SACS: variants seen among roughly 807,000 people sequenced by gnomAD.
The protein encoded by SACS is sacsin.
A neutral mutation model predicts 348.0 loss-of-function variants in SACS; 197 were observed. The observed-to-expected ratio is 0.57, with a 90% CI of 0.50 to 0.64. SACS has a LOEUF of 0.64. SACS is among the 30% of genes least tolerant of loss of function. The pLI is 0.00. For missense variants in SACS, 4,999 were observed against 5,360.8 expected, an observed-to-expected ratio of 0.93 and a Z score of 2.11; for synonymous variants, 1,985 against 1,910.6, an observed-to-expected ratio of 1.04 and a Z score of -1.02.
intron 1 of SACS, among the ~76,000 whole-genome samples, chr13:23,420,916 G>A (rs910308994): frequency 6.6e-6 from 1 of 151,898 alleles, no homozygotes; most frequent in African/African-American, 2.4e-5. Context: ...TATTTACCTG[G>A]GGCCTCAGTG....
chr13:23,341,958 T>C (rs1869284396), intron 9 of SACS, among the ~76,000 whole-genome samples: 2 of 151,882 alleles, frequency 1.3e-5, no homozygotes, highest in Admixed American at 6.6e-5. Context: ...AGTTAATTTT[T>C]TTGTGTTTTT....
In SACS at chr13:23,371,396, T is replaced by C. The variant is rs2766104; in HGVS notation, c.172-231A>G. ...CGTTAATTACAAATAGATAAAAATA[T>C]ATATATTTCTCCATTAACATAATTT... On this transcript the variant is annotated intron_variant, in intron 3 of 9. Coordinates refer to ENST00000382292, the MANE Select transcript of SACS (RefSeq NM_014363.6). 0.88 allele frequency among the ~76,000 whole-genome samples: 133,830 copies of C among 152,272 alleles called. 58,887 individuals are homozygous for C. Among genetic ancestry groups the C allele is most frequent in the East Asian group, 1 (5,182 of 5,190 alleles).
Position 23,334,538 on chromosome 13 carries a change from T to A in SACS, c.9338A>T (p.His3113Leu), listed in dbSNP as rs768906950. 1.2e-6 allele frequency: 2 copies of A among 1,613,524 alleles called. No homozygotes were observed. The highest frequency in any genetic ancestry group is 1.7e-6 in the Non-Finnish European group (2 of 1,179,712). The change falls in exon 10 of 10, where the codon CAT becomes CTT. Residue 3113 changes from histidine (H) to leucine (L), a missense_variant. Physicochemically the swap from His to Leu is moderately conservative, Grantham distance 99. Coordinates refer to ENST00000382292, the MANE Select transcript of SACS (RefSeq NM_014363.6). Reference sequence around the variant, plus strand: ...CAGACGACAAGGCAGCTTCCCAATATGGCAATTAGTGTCAGGAGAGGAAAA... The same window carrying A: ...CAGACGACAAGGCAGCTTCCCAATAAGGCAATTAGTGTCAGGAGAGGAAAA... ...MTFSSPDTNC[H>L]IGKLPCRLQQ...
chr13:23,354,671 C>T lies in SACS; in HGVS notation c.1941G>A (p.Lys647=), dbSNP rs201021919. 3 of 1,614,198 alleles carry T rather than the reference C, an allele frequency of 1.9e-6. No individual in the cohort carries two copies. Among genetic ancestry groups the T allele is most frequent in the Non-Finnish European group, 2.5e-6 (3 of 1,180,044 alleles). ...KCAHLGCAEE[K]LHLLEFVLSD... is the part of the protein sequence containing the mutation. Reference sequence around the variant, plus strand: ...AAAGCACAAATTCTAGAAGGTGAAGCTTTTCTTCAGCACAGCCCAGGTGTG... The same window carrying T: ...AAAGCACAAATTCTAGAAGGTGAAGTTTTTCTTCAGCACAGCCCAGGTGTG... Residue 647 remains lysine (K), a synonymous_variant, in exon 8 of 10, where the codon AAG becomes AAA. Coordinates refer to ENST00000382292, the MANE Select transcript of SACS (RefSeq NM_014363.6).
rs185643322 is a variant in SACS, at chr13:23,355,460, A to C, written c.1152T>G (p.Thr384=). The part of the protein sequence containing the change: ...HVNIVLEEES[T]KDAQKTSWLV... ...ACCAAGATGTTTTCTGTGCATCCTT[A>C]GTACTCTCCTCTTCTAAAACAATAT... is the stretch of plus-strand genomic sequence containing the variant. The change falls in exon 8 of 10, where the codon ACT becomes ACG. Residue 384 remains threonine (T), a synonymous_variant. Transcript: ENST00000382292. The C allele has an allele frequency of 5.3e-5, 85 of 1,614,108 alleles. No homozygotes were observed. In the East Asian group the frequency reaches 1.8e-3, roughly 34 times the overall value.
chr13:23,331,569 C>G lies in SACS; in HGVS notation c.12307G>C (p.Ala4103Pro), dbSNP rs1883478126. 1 of 1,613,816 alleles carries G rather than the reference C, an allele frequency of 6.2e-7. No homozygotes were observed. Among genetic ancestry groups the G allele is most frequent in the Non-Finnish European group, 8.5e-7 (1 of 1,179,848 alleles). The change falls in exon 10 of 10, where the codon GCA becomes CCA. Residue 4103 changes from alanine to proline, a missense_variant. Coordinates refer to ENST00000382292, the MANE Select transcript of SACS (RefSeq NM_014363.6). Reference sequence around the variant, plus strand: ...TCAGTTGCTGATTTAAGAGTCATTGCCAATGCTAACAGGAAATTAATGTCT... The same window carrying G: ...TCAGTTGCTGATTTAAGAGTCATTGGCAATGCTAACAGGAAATTAATGTCT... ...SKDINFLLAL[A>P]MTLKSATDNL...
chr13:23,366,757 T>C (rs547172592), intron 5 of SACS, among the ~76,000 whole-genome samples: 45 of 152,324 alleles, frequency 3.0e-4, no homozygotes, highest in African/African-American at 1.0e-3. Context: ...TTCCCCTAAA[T>C]TGCAATCCTG....
Position 23,335,684 on chromosome 13 carries a change from C to T in SACS, c.8192G>A (p.Arg2731His), listed in dbSNP as rs201127191. The change falls in exon 10 of 10, where the codon CGC becomes CAC. Residue 2731 changes from arginine to histidine, a missense_variant. This residue lies in a region of SACS where 3,156 missense variants were observed against 3,380.1 expected (regional missense o/e 0.93). Coordinates refer to ENST00000382292, the MANE Select transcript of SACS (RefSeq NM_014363.6). This position sits in a 1 kb window ranked among gnomAD's most constrained non-coding sequence, Gnocchi z 4.7. ...RMVQNLLDKL[R>H]SDGAELLMFL... The stretch of plus-strand genomic sequence containing the variant: ...CATTAGAAGTTCTGCCCCATCTGAG[C>T]GCAGTTTGTCCAAAAGATTCTGGAC... 4.8e-5 allele frequency: 78 copies of T among 1,613,846 alleles called. No individual in the cohort carries two copies. Among genetic ancestry groups the T allele is most frequent in the African/African-American group, 8.0e-5 (6 of 74,896 alleles).
At chr13:23,419,457 T>A (rs1490962305) in intron 1 of SACS, among the ~76,000 whole-genome samples, 3 of 152,156 alleles carry the variant, frequency 2.0e-5, no homozygotes, top group African/African-American at 7.2e-5. Flanking sequence ...GTTCAGAGTC[T>A]CAACAGGGCT....
intron 2 of SACS, chr13:23,375,502 G>C: frequency 8.8e-7 from 1 of 1,133,476 alleles, no homozygotes; most frequent in Non-Finnish European, 1.1e-6. Flanking sequence ...AGCCCGCGCC[G>C]AGGAGGAAAC....
rs759808501 is a variant in SACS at position 23,355,206 on chromosome 13, C to T, written c.1406G>A (p.Gly469Asp). 1.9e-5 allele frequency: 31 copies of T among 1,614,056 alleles called. No homozygotes were observed. In the South Asian group the frequency reaches 3.3e-4, roughly 17 times the overall value. ...GLPVHISGFF[G>D]LTDNRRSIKW... is the part of the protein sequence containing the mutation. Reference sequence around the variant, plus strand: ...TATGCTCCTGCGGTTATCAGTAAGGCCAAAGAACCCACTGATGTGAACTGG... The same window carrying T: ...TATGCTCCTGCGGTTATCAGTAAGGTCAAAGAACCCACTGATGTGAACTGG... Residue 469 changes from glycine to aspartate, a missense_variant, in exon 8 of 10, where the codon GGC becomes GAC. Physicochemically the swap from Gly to Asp is moderately conservative, Grantham distance 94. This residue lies in a region of SACS where 3,156 missense variants were observed against 3,380.1 expected (regional missense o/e 0.93). Coordinates refer to ENST00000382292, the MANE Select transcript of SACS (RefSeq NM_014363.6).
intron 1 of SACS, among the ~76,000 whole-genome samples, chr13:23,420,003 C>T (rs1245047818): frequency 6.6e-6 from 1 of 152,048 alleles, no homozygotes; most frequent in African/African-American, 2.4e-5. Flanking sequence ...CCTGATGTTC[C>T]CCAGGGACCT....
intron 1 of SACS, among the ~76,000 whole-genome samples, chr13:23,419,507 AT>A (rs150521629): frequency 0.035 from 5,352 of 152,078 alleles, 221 homozygotes; most frequent in East Asian, 0.22. Context: ...GTGGTTCCTA[AT>A]GTTTCTTGGG....
chr13:23,397,569 A>G (rs1872757757), intron 2 of SACS, among the ~76,000 whole-genome samples: 1 of 152,212 alleles, frequency 6.6e-6, no homozygotes, highest in African/African-American at 2.4e-5. Context: ...CCACCTAGGA[A>G]ACAAAGATTT....
At chr13:23,398,186 C>T (rs1294581515) in intron 2 of SACS, among the ~76,000 whole-genome samples, 1 of 151,236 alleles carries the variant, frequency 6.6e-6, no homozygotes, top group African/African-American at 2.4e-5. Flanking sequence ...AGCGAAACTC[C>T]ATCTCAAAAA....
At position 23,331,257 on chromosome 13, in the gene SACS, CAAT is replaced by C; in HGVS notation, c.12616_12618del (p.Ile4206del). On this transcript the variant is annotated inframe_deletion, in exon 10 of 10. Transcript: ENST00000382292. ...GCATCTTCTCTTTCAACTTCTTGTA[CAAT>C]AATTGCATATGTGTATGTTGGCTGG... is the stretch of plus-strand genomic sequence containing the variant. 6.2e-7 allele frequency: 1 copy of C among 1,613,946 alleles called. No homozygotes were observed. Among genetic ancestry groups the C allele is most frequent in the Non-Finnish European group, 8.5e-7 (1 of 1,179,894 alleles).
chr13:23,362,492 A>G (rs1870799210), intron 6 of SACS, among the ~76,000 whole-genome samples: 1 of 152,212 alleles, frequency 6.6e-6, no homozygotes, highest in Non-Finnish European at 1.5e-5. Flanking sequence ...GATATTCTCA[A>G]ATACACAAGA....
Position 23,333,446 on chromosome 13 carries a change from T to C in SACS, c.10430A>G (p.Tyr3477Cys). Reference sequence around the variant, plus strand: ...AATTTTTGGTAAGAGGTGTTTCAAATATACCTCAAGATCATCTACAGGTAC... The same window carrying C: ...AATTTTTGGTAAGAGGTGTTTCAAACATACCTCAAGATCATCTACAGGTAC... Reference protein sequence around the residue: ...GCVPVDDLEVYLKHLLPKIEN... With the variant: ...GCVPVDDLEVCLKHLLPKIEN... The change falls in exon 10 of 10, where the codon TAT (tyrosine) becomes TGT (cysteine). Residue 3477 changes from tyrosine to cysteine, a missense_variant. This residue lies in a region of SACS where 734 missense variants were observed against 694.0 expected (regional missense o/e 1.06). Coordinates refer to ENST00000382292, the MANE Select transcript of SACS (RefSeq NM_014363.6). 1 of 1,611,608 alleles carries C rather than the reference T, an allele frequency of 6.2e-7. No homozygotes were observed. Among genetic ancestry groups the C allele is most frequent in the Non-Finnish European group, 8.5e-7 (1 of 1,178,562 alleles).
chr13:23,405,092 G>A (rs183486896), intron 2 of SACS, among the ~76,000 whole-genome samples: 17 of 152,142 alleles, frequency 1.1e-4, no homozygotes, highest in African/African-American at 2.2e-4. Context: ...AAAAGAGCCC[G>A]TATAAGCCAA....
Sources: gnomAD v4.1 joint callset for allele counts (sites outside exome capture counted in the v4.1 genomes callset) on GRCh38, gnomAD v4.1.1 for gene constraint, gnomAD v4.1.1 regional missense constraint, Gnocchi (gnomAD v3.1) non-coding constraint, MANE v1.5 for transcripts, NCBI Gene and HGNC (gene_info 2026-07-23, HGNC 2026-07-21) for gene names.